The following ORC3 variants were observed in gnomAD, a reference collection of about 807,000 sequenced individuals.
ORC3 encodes homolog of latheo, Drosophila.
In ORC3, 78 loss-of-function variants were observed where a neutral mutation model predicts 100.7. The ratio of observed to expected loss-of-function variants is 0.77; its 90% CI spans 0.65 to 0.94. The LOEUF (loss-of-function observed/expected upper bound fraction) is 0.94. Ranked by LOEUF, ORC3 falls within the 40% of genes least tolerant of loss-of-function variation. The pLI is 0.00. For missense variants in ORC3, 789 were observed against 823.9 expected, an observed-to-expected ratio of 0.96 and a Z score of 0.52; for synonymous variants, 295 against 289.3, an observed-to-expected ratio of 1.02 and a Z score of -0.20.
chr6:87,672,103 G>T (rs1224043969), downstream of ORC3, among the ~76,000 whole-genome samples: 1 of 152,086 alleles, frequency 6.6e-6, no homozygotes, highest in East Asian at 1.9e-4. Context: ...ATTTAAAAAA[G>T]AGACACATGG....
intron 2 of ORC3, chr6:87,595,309 A>G (rs1228676014): frequency 6.6e-6 from 1 of 152,252 alleles, no homozygotes; most frequent in Non-Finnish European, 1.5e-5. Flanking sequence ...TTCATCTGTA[A>G]AATGAGCAAC....
chr6:87,658,164 T>C (rs1769869160), intron 16 of ORC3, 146 bp downstream of exon 16: 1 of 538,974 alleles, frequency 1.9e-6, no homozygotes, highest in South Asian at 2.5e-5. Flanking sequence ...TAGCTTAGAG[T>C]TGTAATTTTT....
chr6:87,629,000 A>G (rs750790926), intron 11 of ORC3, among the ~76,000 whole-genome samples: 3 of 152,236 alleles, frequency 2.0e-5, no homozygotes, highest in South Asian at 2.1e-4. Context: ...CTCTTGATCT[A>G]TACTGCTGAG....
intron 9 of ORC3, among the ~76,000 whole-genome samples, chr6:87,618,235 C>G (rs1452456641): frequency 6.6e-6 from 1 of 152,014 alleles, no homozygotes. Context: ...ATGGTGAAAC[C>G]CTGTCTCTAC....
At chr6:87,654,013 T>C (rs1319380985) in intron 14 of ORC3, among the ~76,000 whole-genome samples, 4 of 152,228 alleles carry the variant, frequency 2.6e-5, no homozygotes, top group Non-Finnish European at 5.9e-5. Context: ...CAATAAAATA[T>C]ATTGGTGTGT....
chr6:87,599,113 C>T (rs1313829193), intron 2 of ORC3, among the ~76,000 whole-genome samples: 1 of 152,140 alleles, frequency 6.6e-6, no homozygotes. Flanking sequence ...TTTAAATTTA[C>T]CTACCTGATC....
intron 15 of ORC3, among the ~76,000 whole-genome samples, 181 bp from the exon 16 acceptor site, chr6:87,657,740 G>A (rs1386127011): frequency 1.3e-5 from 2 of 152,030 alleles, no homozygotes; most frequent in Non-Finnish European, 2.9e-5. Context: ...CACCTTTGAG[G>A]CGAGATTCTT....
In ORC3 at chr6:87,607,837, T is replaced by C. The variant is rs781606067; in HGVS notation, c.579+13T>C. 2 of 1,587,452 alleles carry C rather than the reference T, an allele frequency of 1.3e-6. No homozygotes were observed. Among genetic ancestry groups the C allele is most frequent in the Non-Finnish European group, 1.7e-6 (2 of 1,162,160 alleles). ...GACTGTCACACAGGTAGATATAAAC[T>C]GATGATTTTCTCCCAGGAAATTGAC... On this transcript the variant is annotated intron_variant, in intron 6 of 19. Coordinates refer to ENST00000392844, the MANE Select transcript of ORC3 (RefSeq NM_012381.4).
At chr6:87,676,596 A>AACACACGCACGCGCGCGCGCAC in the ORC3 span, among the ~76,000 whole-genome samples, 3 of 142,046 alleles carry the variant, frequency 2.1e-5, no homozygotes, top group African/African-American at 8.1e-5. Flanking sequence ...CTCTACTAAA[A>AACACACGCACGCGCGCGCGCAC]ACACACACAC....
At chr6:87,643,481 TA>T (rs1266996602) in intron 13 of ORC3, among the ~76,000 whole-genome samples, 1 of 152,054 alleles carries the variant, frequency 6.6e-6, no homozygotes, top group Non-Finnish European at 1.5e-5. Flanking sequence ...GAAAAGTCTT[TA>T]TTTGTGGAGA....
At chr6:87,598,745 G>A (rs1342434866) in intron 2 of ORC3, among the ~76,000 whole-genome samples, 5 of 151,656 alleles carry the variant, frequency 3.3e-5, no homozygotes. Flanking sequence ...CTGATTATAA[G>A]GCAGATGGAG....
intron 1 of ORC3, among the ~76,000 whole-genome samples, chr6:87,591,631 T>C (rs1241498277): frequency 1.3e-5 from 2 of 152,244 alleles, no homozygotes; most frequent in African/African-American, 4.8e-5. Context: ...AAAGCATTTT[T>C]GGTATTATAA....
chr6:87,641,723 C>T (rs1435869009), intron 13 of ORC3, among the ~76,000 whole-genome samples: 1 of 152,144 alleles, frequency 6.6e-6, no homozygotes, highest in Non-Finnish European at 1.5e-5. Context: ...ATTAGCAGGT[C>T]AGCTCAGCTT....
At chr6:87,660,438 G>A (rs1770094985) in intron 16 of ORC3, among the ~76,000 whole-genome samples, 1 of 152,156 alleles carries the variant, frequency 6.6e-6, no homozygotes, top group Admixed American at 6.6e-5. Context: ...TCTGCCAAAA[G>A]GCCCTCTCCA....
At chr6:87,676,029 G>T in the ORC3 span, 1 of 996,860 alleles carries the variant, frequency 1.0e-6, no homozygotes, top group Non-Finnish European at 1.5e-6. Flanking sequence ...ATTCTAAGTT[G>T]ACAAAATCAC....
At position 87,609,224 on chromosome 6, in the gene ORC3, C is replaced by T. The variant is rs753144766; in HGVS notation, c.708C>T (p.Ile236=). 6.3e-7 allele frequency: 1 copy of T among 1,591,696 alleles called. No individual in the cohort carries two copies. The highest frequency in any genetic ancestry group is 1.2e-5 in the South Asian group (1 of 86,442). ...AAGTACTACAAGACTTCATAATTATCAGCAGGTAGATGGTGTATTACCTGG... is the reference window on the plus strand; with the variant it reads ...AAGTACTACAAGACTTCATAATTATTAGCAGGTAGATGGTGTATTACCTGG... The part of the protein sequence containing the change: ...ATKVLQDFII[I]SSQHLHEFPL... Residue 236 remains isoleucine (I), a synonymous_variant, in exon 7 of 20, where the codon ATC becomes ATT. Transcript: ENST00000392844.
chr6:87,606,078 T>A, intron 5 of ORC3, 57 bp downstream of exon 5: 1 of 785,416 alleles, frequency 1.3e-6, no homozygotes, highest in Non-Finnish European at 2.1e-6. Context: ...TCTTTCATCC[T>A]TTTCTCTCTT....
the ORC3 span, among the ~76,000 whole-genome samples, chr6:87,674,778 A>G: frequency 6.6e-6 from 1 of 151,600 alleles, no homozygotes; most frequent in South Asian, 2.1e-4. Context: ...CCAGCAGAAG[A>G]AGGCATTTAG....
intron 8 of ORC3, among the ~76,000 whole-genome samples, chr6:87,612,493 A>G (rs1054730491): frequency 6.6e-6 from 1 of 152,206 alleles, no homozygotes; most frequent in African/African-American, 2.4e-5. Flanking sequence ...ATATCTCTCT[A>G]TGTACTTAAT....
Sources: allele counts gnomAD v4.1 joint callset (sites outside exome capture counted in the v4.1 genomes callset), GRCh38; gene constraint gnomAD v4.1.1; transcripts MANE v1.5; gene names NCBI Gene and HGNC (gene_info 2026-07-23, HGNC 2026-07-21).